The following NBAS variants were observed in gnomAD, a reference collection of about 807,000 sequenced individuals.
NBAS encodes NAG/BC035112 fusion.
Under a neutral mutation model 302.5 loss-of-function variants are expected in NBAS, and 219 were observed. The ratio of observed to expected loss-of-function variants is 0.72; its 90% CI spans 0.65 to 0.81. The LOEUF is 0.81. NBAS is among the 30% of genes least tolerant of loss of function. The pLI is 0.00. For missense variants in NBAS, 2,932 were observed against 2,841.6 expected, an observed-to-expected ratio of 1.03 and a Z score of -0.72; for synonymous variants, 1,118 against 1,021.6, an observed-to-expected ratio of 1.09 and a Z score of -1.80.
chr2:15,276,791 A>G (rs1669601098), intron 43 of NBAS, 60 bp downstream of exon 43: 4 of 1,612,142 alleles, frequency 2.5e-6, no homozygotes, highest in Middle Eastern at 3.3e-4. Context: ...TGTGTACAGA[A>G]AATTAATCCC....
At chr2:14,897,659 T>C in the NBAS span, among the ~76,000 whole-genome samples, 7 of 150,432 alleles carry the variant, frequency 4.7e-5, no homozygotes, top group Non-Finnish European at 7.4e-5. Context: ...GGCCAGGGAG[T>C]GTGCACCAGC....
At chr2:15,400,947 T>A (rs1431679172) in intron 26 of NBAS, among the ~76,000 whole-genome samples, 1 of 152,190 alleles carries the variant, frequency 6.6e-6, no homozygotes, top group Non-Finnish European at 1.5e-5. Context: ...AATTAGAAGT[T>A]CAACCTAAAA....
intron 6 of NBAS, among the ~76,000 whole-genome samples, chr2:15,544,071 C>T (rs1163096419): frequency 3.9e-5 from 6 of 152,126 alleles, no homozygotes; most frequent in African/African-American, 7.2e-5. Flanking sequence ...TCAGTGCTAC[C>T]ACAAGACACC....
chr2:14,835,245 A>G, the NBAS span, among the ~76,000 whole-genome samples: 1 of 152,144 alleles, frequency 6.6e-6, no homozygotes, highest in Non-Finnish European at 1.5e-5. Flanking sequence ...AGAAGTGTCC[A>G]TTAAACACAT....
At chr2:15,002,041 T>G in the NBAS span, among the ~76,000 whole-genome samples, 333 of 152,264 alleles carry the variant, frequency 2.2e-3, 2 homozygotes, top group African/African-American at 7.5e-3. Flanking sequence ...CGCTGATTGG[T>G]GTGTTTACAA....
At chr2:15,023,462 A>G in the NBAS span, among the ~76,000 whole-genome samples, 1 of 151,946 alleles carries the variant, frequency 6.6e-6, no homozygotes, top group East Asian at 1.9e-4. Flanking sequence ...ATCTGCTGGG[A>G]CAAAGTATAT....
chr2:15,104,825 T>A, the NBAS span, among the ~76,000 whole-genome samples: 1 of 152,200 alleles, frequency 6.6e-6, no homozygotes, highest in Admixed American at 6.6e-5. Context: ...TTTTTTAATA[T>A]GTTTGTTGGC....
the NBAS span, among the ~76,000 whole-genome samples, chr2:14,921,249 G>A: frequency 2.6e-5 from 4 of 152,076 alleles, no homozygotes; most frequent in African/African-American, 7.2e-5. Flanking sequence ...AACATTTATC[G>A]ATTAAGTTCT....
the NBAS span, among the ~76,000 whole-genome samples, chr2:15,100,022 A>G: frequency 6.6e-6 from 1 of 152,192 alleles, no homozygotes; most frequent in Non-Finnish European, 1.5e-5. Context: ...TTTCCAGCAT[A>G]TTCAATTTTA....
At chr2:15,493,870 A>G (rs1489089949) in intron 11 of NBAS, among the ~76,000 whole-genome samples, 1 of 135,830 alleles carries the variant, frequency 7.4e-6, no homozygotes, top group Non-Finnish European at 1.5e-5. Context: ...ACTGTCTCCC[A>G]TGCCGGAGTA....
At chr2:14,995,036 G>A in the NBAS span, among the ~76,000 whole-genome samples, 1 of 151,988 alleles carries the variant, frequency 6.6e-6, no homozygotes, top group African/African-American at 2.4e-5. Context: ...TGGGTTGGAT[G>A]TGTGGCAGGA....
chr2:15,002,701 G>A, the NBAS span, among the ~76,000 whole-genome samples: 338 of 152,342 alleles, frequency 2.2e-3, 2 homozygotes, highest in African/African-American at 7.7e-3. Context: ...GCTAAGGCCC[G>A]GCCAGAAATC....
At chr2:15,115,653 C>T in the NBAS span, among the ~76,000 whole-genome samples, 2 of 152,104 alleles carry the variant, frequency 1.3e-5, no homozygotes, top group African/African-American at 4.8e-5. Flanking sequence ...GGTCCTACAG[C>T]TCTCCACCAT....
chr2:15,016,354 A>G, the NBAS span, among the ~76,000 whole-genome samples: 1 of 152,166 alleles, frequency 6.6e-6, no homozygotes, highest in Admixed American at 6.5e-5. Flanking sequence ...CGTGGGAATT[A>G]TGGGAGCTAC....
rs143962413 is a variant in NBAS, at chr2:15,203,890, TTGTGTGTGTGTG to T, written c.6433-13499_6433-13488del. Among the ~76,000 whole-genome samples, 32 of 129,534 alleles carry T rather than the reference TTGTGTGTGTGTG, an allele frequency of 2.5e-4. 1 individual carries two copies. Among genetic ancestry groups the T allele is most frequent in the African/African-American group, 7.2e-4 (26 of 35,994 alleles). The allele number at this position is 129,534 out of a possible 152,430, so 85.0% of individuals were successfully genotyped here. A position where few individuals can be genotyped will look rare whatever the true frequency, so the allele number is the denominator to read the frequency against. ...TGTGTCTGTGTGTGTGTGTGTGTGC[TTGTGTGTGTGTG>T]TGTGTGTGTGTGTGTGTGTGTGTGA... On this transcript the variant is annotated intron_variant, in intron 48 of 51. Transcript: ENST00000281513.
intron 44 of NBAS, 41 bp downstream of exon 44, chr2:15,275,443 T>G: frequency 6.4e-7 from 1 of 1,565,736 alleles, no homozygotes; most frequent in Non-Finnish European, 8.8e-7. Context: ...TTTCATTTCT[T>G]CTACTGTGCT....
chr2:15,528,771 G>A (rs1663059435), intron 9 of NBAS, among the ~76,000 whole-genome samples: 1 of 149,520 alleles, frequency 6.7e-6, no homozygotes, highest in Non-Finnish European at 1.5e-5. Flanking sequence ...GGAGGCTAAG[G>A]CAGAAGAATC....
In NBAS at chr2:15,529,135, T is replaced by C. The variant is rs545379860; in HGVS notation, c.746+5408A>G. ...ACTTCTGTAACTGAACACATACGCT[T>C]TTTAAGAAACATATTCGAAAAGTAT... On this transcript the variant is annotated intron_variant, in intron 9 of 51. Coordinates refer to ENST00000281513, the MANE Select transcript of NBAS (RefSeq NM_015909.4). Among the ~76,000 whole-genome samples, 5 of 152,086 alleles carry C rather than the reference T, an allele frequency of 3.3e-5. No individual in the cohort carries two copies. The South Asian group carries it at 1.0e-3, about 32-fold the overall frequency.
At chr2:15,333,830 A>T (rs1672458728) in intron 35 of NBAS, among the ~76,000 whole-genome samples, 1 of 149,450 alleles carries the variant, frequency 6.7e-6, no homozygotes, top group African/African-American at 2.5e-5. Flanking sequence ...AAGGTTAGAT[A>T]CAGTGGAGGT....
Sources: allele counts gnomAD v4.1 joint callset (sites outside exome capture counted in the v4.1 genomes callset), GRCh38; gene constraint gnomAD v4.1.1; transcripts MANE v1.5; gene names NCBI Gene and HGNC (gene_info 2026-07-23, HGNC 2026-07-21).